Variants in KCNG3 observed in about 807,000 individuals in gnomAD.
KCNG3 encodes potassium voltage-gated channel modifier subfamily G member 3.
Under a neutral mutation model 29.0 loss-of-function variants are expected in KCNG3, and 15 were observed. The ratio of observed to expected loss-of-function variants is 0.52; its 90% CI spans 0.35 to 0.80. The LOEUF (loss-of-function observed/expected upper bound fraction) is 0.80. Among genes scored for constraint, KCNG3 ranks in the 30% least tolerant of loss-of-function variants. KCNG3 has a pLI of 0.01. For synonymous variants in KCNG3, 322 were observed against 248.9 expected (o/e 1.29, Z -2.76); for missense variants, 512 against 605.7 (o/e 0.85, Z 1.62).
At chr2:42,487,226 G>C (rs1357980745) in intron 1 of KCNG3, among the ~76,000 whole-genome samples, 2 of 151,114 alleles carry the variant, frequency 1.3e-5, no homozygotes, top group African/African-American at 4.9e-5. Context: ...CAAATAGATA[G>C]TGAAAGTGCA....
intron 1 of KCNG3, 23 bp downstream of exon 1, chr2:42,492,814 G>C: frequency 6.9e-7 from 1 of 1,456,826 alleles, no homozygotes; most frequent in African/African-American, 1.5e-5. Flanking sequence ...GGACGGGACG[G>C]GTAGAGAAGC....
chr2:42,427,604 C>CAA, the KCNG3 span, among the ~76,000 whole-genome samples: 2 of 107,996 alleles, frequency 1.9e-5, no homozygotes, highest in Non-Finnish European at 1.9e-5. Context: ...GACCCTGTCT[C>CAA]AAAAAAAAAA....
chr2:42,401,340 G>T, the KCNG3 span, among the ~76,000 whole-genome samples: 1 of 150,392 alleles, frequency 6.6e-6, no homozygotes. Flanking sequence ...TCTAACAAAA[G>T]CCACTGTCCA....
chr2:42,390,630 T>C, the KCNG3 span, among the ~76,000 whole-genome samples: 1 of 152,224 alleles, frequency 6.6e-6, no homozygotes, highest in Admixed American at 6.5e-5. Context: ...CAGACTCCTC[T>C]GAATAAGGCC....
chr2:42,429,387 G>C, the KCNG3 span, among the ~76,000 whole-genome samples: 1 of 152,200 alleles, frequency 6.6e-6, no homozygotes, highest in East Asian at 1.9e-4. Context: ...CCACAAATCA[G>C]CCATGGCCTC....
Position 42,476,317 on chromosome 2 carries a change from A to T in KCNG3, c.665+16520T>A, listed in dbSNP as rs967444739. Among the ~76,000 whole-genome samples, 3 of 151,564 alleles carry T rather than the reference A, an allele frequency of 2.0e-5. No homozygotes were observed. The East Asian group carries it at 5.9e-4, about 30-fold the overall frequency. ...AGAAACCCAGTCTCTACAAAAAAAA[A>T]ATACAAAAAATTAGCCAGGTACAGT... On this transcript the variant is annotated intron_variant, in intron 1 of 1. Coordinates refer to ENST00000306078, the MANE Select transcript of KCNG3 (RefSeq NM_133329.6).
At chr2:42,433,692 G>A in the KCNG3 span, among the ~76,000 whole-genome samples, 2 of 151,972 alleles carry the variant, frequency 1.3e-5, no homozygotes, top group African/African-American at 2.4e-5. Flanking sequence ...GAGCTGTGAT[G>A]GTGCCACTGC....
the KCNG3 span, among the ~76,000 whole-genome samples, chr2:42,424,212 T>C: frequency 2.6e-5 from 4 of 152,194 alleles, no homozygotes; most frequent in Admixed American, 1.3e-4. Context: ...ATTGCTCTTG[T>C]AGCTGAGTGC....
At chr2:42,406,686 G>A in the KCNG3 span, among the ~76,000 whole-genome samples, 21 of 151,640 alleles carry the variant, frequency 1.4e-4, no homozygotes, top group Middle Eastern at 0.01. Flanking sequence ...AATAAGCCAG[G>A]TATGGTGGCA....
rs1315508471 is a variant in KCNG3 at position 42,470,161 on chromosome 2, G to C, written c.665+22676C>G. ...AGGATGCTAAATTCTGTCTGATTCT[G>C]ATAGAGCGTCAGATTCACCATTTGG... On this transcript the variant is annotated intron_variant, in intron 1 of 1. Transcript: ENST00000306078. 2.6e-5 allele frequency: 11 copies of C among 427,744 alleles called. No individual in the cohort carries two copies. The East Asian group carries it at 4.8e-4, about 19-fold the overall frequency. The allele number at this position is 427,744 out of a possible 1,614,324, so 26.5% of individuals were successfully genotyped here. A position where few individuals can be genotyped will look rare whatever the true frequency, so the allele number is the denominator to read the frequency against.
At chr2:42,440,201 G>T (rs115240114), downstream of KCNG3, among the ~76,000 whole-genome samples, 49 of 152,260 alleles carry the variant, frequency 3.2e-4, no homozygotes, top group Non-Finnish European at 6.0e-4. Flanking sequence ...AACTTCCTAT[G>T]ACCCTATAAA....
intron 1 of KCNG3, among the ~76,000 whole-genome samples, chr2:42,461,698 AAAT>A (rs1171115946): frequency 1.3e-5 from 2 of 152,174 alleles, no homozygotes; most frequent in Non-Finnish European, 2.9e-5. Flanking sequence ...ATATTTGCCT[AAAT>A]AATACAAGAA....
the KCNG3 span, chr2:42,415,445 T>C: frequency 6.6e-6 from 1 of 152,144 alleles, no homozygotes; most frequent in Admixed American, 6.5e-5. Context: ...GTCTCATGCT[T>C]CCATGATTTT....
the KCNG3 span, among the ~76,000 whole-genome samples, chr2:42,408,576 G>T: frequency 6.6e-6 from 1 of 152,090 alleles, no homozygotes; most frequent in Non-Finnish European, 1.5e-5. Context: ...GCTAGGAGCT[G>T]AACACTTGTT....
At chr2:42,417,056 C>T in the KCNG3 span, among the ~76,000 whole-genome samples, 1 of 151,844 alleles carries the variant, frequency 6.6e-6, no homozygotes, top group African/African-American at 2.4e-5. Context: ...GGAGACCAGC[C>T]TGGCCAACAT....
the KCNG3 span, among the ~76,000 whole-genome samples, chr2:42,432,942 A>C: frequency 7.5e-5 from 11 of 146,250 alleles, no homozygotes; most frequent in Admixed American, 3.4e-4. Context: ...GATAAAAAAA[A>C]AAAAAACAAA....
At chr2:42,433,783 G>A in the KCNG3 span, among the ~76,000 whole-genome samples, 2 of 152,036 alleles carry the variant, frequency 1.3e-5, no homozygotes, top group African/African-American at 4.8e-5. Flanking sequence ...TGAAGGACCA[G>A]ACGCAACAAA....
chr2:42,436,745 G>A, the KCNG3 span, among the ~76,000 whole-genome samples: 1 of 152,194 alleles, frequency 6.6e-6, no homozygotes, highest in East Asian at 1.9e-4. Context: ...AAACTTTTGT[G>A]AGGACCATAA....
chr2:42,421,557 T>C, the KCNG3 span, among the ~76,000 whole-genome samples: 3 of 152,226 alleles, frequency 2.0e-5, no homozygotes, highest in African/African-American at 7.2e-5. Context: ...TATTGTTCTG[T>C]TGGTAATATC....
Sources: allele counts gnomAD v4.1 joint callset (sites outside exome capture counted in the v4.1 genomes callset), GRCh38; gene constraint gnomAD v4.1.1; transcripts MANE v1.5; gene names NCBI Gene and HGNC (gene_info 2026-07-23, HGNC 2026-07-21).